Variants in BICC1 observed in about 807,000 individuals in gnomAD.
The protein encoded by BICC1 is protein bicaudal C homolog 1.
A neutral mutation model predicts 111.0 loss-of-function variants in BICC1; 43 were observed. That is an observed-to-expected ratio of 0.39 (90% confidence interval 0.30 to 0.50). The LOEUF (loss-of-function observed/expected upper bound fraction) is 0.50. Among genes scored for constraint, BICC1 ranks in the 20% least tolerant of loss-of-function variants. The pLI, the probability that BICC1 is intolerant of heterozygous loss-of-function variation, is 0.88. For missense variants in BICC1, 1,091 were observed against 1,203.2 expected (o/e 0.91, Z 1.38); for synonymous variants, 467 against 434.4 (o/e 1.07, Z -0.93).
chr10:58,621,726 T>G (rs892653979), intron 2 of BICC1, among the ~76,000 whole-genome samples: 3 of 151,880 alleles, frequency 2.0e-5, no homozygotes, highest in Non-Finnish European at 2.9e-5. Context: ...GCCAAAAGCC[T>G]GTCTCTACTA....
intron 8 of BICC1, among the ~76,000 whole-genome samples, chr10:58,793,067 C>T (rs1040278756): frequency 1.3e-5 from 2 of 152,132 alleles, no homozygotes; most frequent in African/African-American, 2.4e-5. Flanking sequence ...TTTAAATGCT[C>T]GATCATGTTT....
At chr10:58,745,609 C>G (rs529318475) in intron 3 of BICC1, among the ~76,000 whole-genome samples, 1 of 130,910 alleles carries the variant, frequency 7.6e-6, no homozygotes, top group African/African-American at 2.8e-5. Flanking sequence ...ACCGCCCCCC[C>G]CCCACATTTT....
chr10:58,535,273 A>G (rs1351082257), intron 1 of BICC1, among the ~76,000 whole-genome samples: 1 of 151,732 alleles, frequency 6.6e-6, no homozygotes, highest in African/African-American at 2.4e-5. Flanking sequence ...ACGTCACCAA[A>G]GAACATAGTC....
At chr10:58,659,018 C>G (rs1838754316) in intron 2 of BICC1, among the ~76,000 whole-genome samples, 1 of 152,016 alleles carries the variant, frequency 6.6e-6, no homozygotes, top group South Asian at 2.1e-4. Context: ...GTACGTATAT[C>G]TATGACTAAT....
At chr10:58,721,069 C>G (rs1222155049) in intron 3 of BICC1, among the ~76,000 whole-genome samples, 1 of 152,224 alleles carries the variant, frequency 6.6e-6, no homozygotes, top group Non-Finnish European at 1.5e-5. Flanking sequence ...TGCTGCAGAG[C>G]AGCCTCGAAG....
Position 58,537,319 on chromosome 10 carries a change from A to G in BICC1, c.190+23986A>G, listed in dbSNP as rs560317086. ...GTATATAGATGCAAAAATCCTCAAC[A>G]AAATACTAGAAATGGAATGAACTAG... is the stretch of plus-strand genomic sequence containing the variant. On this transcript the variant is annotated intron_variant, in intron 1 of 20. Coordinates refer to ENST00000373886, the MANE Select transcript of BICC1 (RefSeq NM_001080512.3). Among the ~76,000 whole-genome samples, 4 of 148,716 alleles carry G rather than the reference A, an allele frequency of 2.7e-5. No individual in the cohort carries two copies. The East Asian group carries it at 7.9e-4, about 30-fold the overall frequency.
chr10:58,540,999 A>G (rs568132788), intron 1 of BICC1, among the ~76,000 whole-genome samples: 1 of 152,216 alleles, frequency 6.6e-6, no homozygotes, highest in East Asian at 1.9e-4. Context: ...TGAGAAAGTC[A>G]TACACCCTTT....
intron 1 of BICC1, among the ~76,000 whole-genome samples, chr10:58,545,616 C>T (rs1843116464): frequency 6.6e-6 from 1 of 152,166 alleles, no homozygotes; most frequent in Non-Finnish European, 1.5e-5. Flanking sequence ...TTAAATTTCT[C>T]CACATTAGAA....
At chr10:58,800,472 G>A (rs923297316) in intron 13 of BICC1, 146 bp downstream of exon 13, 35 of 768,766 alleles carry the variant, frequency 4.6e-5, no homozygotes, top group Admixed American at 1.7e-4. Context: ...ACAACATCCT[G>A]AATAAAATTT....
chr10:58,753,876 C>T (rs772670877), intron 3 of BICC1, among the ~76,000 whole-genome samples: 2 of 151,922 alleles, frequency 1.3e-5, no homozygotes, highest in Non-Finnish European at 2.9e-5. Context: ...ATCATTTGTC[C>T]TGTTTCATTT....
At chr10:58,587,305 G>T (rs1230280242) in intron 1 of BICC1, among the ~76,000 whole-genome samples, 1 of 151,928 alleles carries the variant, frequency 6.6e-6, no homozygotes, top group Non-Finnish European at 1.5e-5. Context: ...ATAGTTTCTT[G>T]TCCTATTAAG....
chr10:58,784,682 C>T (rs1442310909), intron 3 of BICC1, among the ~76,000 whole-genome samples: 1 of 65,126 alleles, frequency 1.5e-5, no homozygotes, highest in African/African-American at 3.9e-5. Flanking sequence ...TTAATAAATC[C>T]AATTTATAAA....
rs72804443 is a variant in BICC1 at position 58,824,116 on chromosome 10, C to T, written c.2794+3648C>T. ...CTGGCATACTTGGAACTATCGATTT[C>T]TCAGATTTGTATTCCTGATGCCTTG... On this transcript the variant is annotated intron_variant, in intron 20 of 20. Coordinates refer to ENST00000373886, the MANE Select transcript of BICC1 (RefSeq NM_001080512.3). 4,719 of 983,396 alleles carry T rather than the reference C, an allele frequency of 4.8e-3. 38 individuals are homozygous for T. The highest frequency in any genetic ancestry group is 0.03 in the African/African-American group (1,707 of 57,280). 60.9% of individuals were successfully genotyped at this position (983,396 alleles called of 1,614,324 possible).
intron 3 of BICC1, among the ~76,000 whole-genome samples, chr10:58,760,815 C>G (rs964290101): frequency 6.6e-6 from 1 of 152,032 alleles, no homozygotes; most frequent in Non-Finnish European, 1.5e-5. Context: ...AATTGAACCT[C>G]CAAGGGACAG....
intron 2 of BICC1, among the ~76,000 whole-genome samples, chr10:58,686,742 A>G (rs565234449): frequency 6.6e-6 from 1 of 152,130 alleles, no homozygotes; most frequent in South Asian, 2.1e-4. Context: ...TCTTCTCTAC[A>G]CTGTTTATTC....
chr10:58,553,781 A>C (rs992628819), intron 1 of BICC1, among the ~76,000 whole-genome samples: 7 of 151,700 alleles, frequency 4.6e-5, no homozygotes, highest in Admixed American at 1.3e-4. Context: ...TTTAATGCTC[A>C]TTTTGTGTGC....
chr10:58,728,426 A>G (rs1841180576), intron 3 of BICC1, among the ~76,000 whole-genome samples: 1 of 152,132 alleles, frequency 6.6e-6, no homozygotes, highest in Non-Finnish European at 1.5e-5. Flanking sequence ...AAATTCATTT[A>G]TATCTTTAGG....
chr10:58,579,392 A>C (rs560601784), intron 1 of BICC1, among the ~76,000 whole-genome samples: 1 of 152,376 alleles, frequency 6.6e-6, no homozygotes, highest in South Asian at 2.1e-4. Flanking sequence ...TCACACCCAC[A>C]GTAAAACTAG....
At chr10:58,540,671 C>T (rs904436407) in intron 1 of BICC1, among the ~76,000 whole-genome samples, 7 of 151,968 alleles carry the variant, frequency 4.6e-5, no homozygotes, top group Non-Finnish European at 1.0e-4. Flanking sequence ...GAGAATGCTT[C>T]TAAACAATTA....
Sources: gnomAD v4.1 joint callset for allele counts (sites outside exome capture counted in the v4.1 genomes callset) on GRCh38, gnomAD v4.1.1 for gene constraint, MANE v1.5 for transcripts, NCBI Gene and HGNC (gene_info 2026-07-23, HGNC 2026-07-21) for gene names.